The following L3MBTL4 variants were observed in gnomAD, a reference collection of about 807,000 sequenced individuals.
The protein encoded by L3MBTL4 is L3MBTL histone methyl-lysine binding protein 4, also known as lethal(3)malignant brain tumor-like protein 4.
L3MBTL4 carries 70 observed loss-of-function variants against 84.5 expected under a neutral mutation model. The observed-to-expected ratio is 0.83, with a 90% confidence interval of 0.68 to 1.01. The LOEUF (loss-of-function observed/expected upper bound fraction) is 1.01, where lower values mean the gene tolerates loss of function less well. Ranked by LOEUF, L3MBTL4 falls within the 50% of genes least tolerant of loss-of-function variation. L3MBTL4 has a pLI of 0.00. For missense variants in L3MBTL4, 715 were observed against 754.8 expected (o/e 0.95, Z 0.62); for synonymous variants, 274 against 259.8 (o/e 1.05, Z -0.52).
intron 14 of L3MBTL4, among the ~76,000 whole-genome samples, chr18:6,111,164 G>A (rs1318600801): frequency 6.6e-6 from 1 of 152,150 alleles, no homozygotes. Flanking sequence ...AAAGAGAAAT[G>A]AGATAAATAG....
At chr18:6,283,957 CAA>C (rs2049438652) in intron 4 of L3MBTL4, among the ~76,000 whole-genome samples, 1 of 152,208 alleles carries the variant, frequency 6.6e-6, no homozygotes. Context: ...TTCTAAAAGA[CAA>C]AACCACAGCT....
At chr18:6,094,786 C>T (rs948352872) in intron 14 of L3MBTL4, among the ~76,000 whole-genome samples, 4 of 152,000 alleles carry the variant, frequency 2.6e-5, no homozygotes, top group Non-Finnish European at 4.4e-5. Flanking sequence ...TGCATTCTAA[C>T]CCCAAAAGGA....
intron 16 of L3MBTL4, among the ~76,000 whole-genome samples, chr18:6,076,159 C>T (rs2057849768): frequency 6.6e-6 from 1 of 152,194 alleles, no homozygotes; most frequent in Middle Eastern, 3.2e-3. Context: ...TACAAAAATG[C>T]ATACACATAT....
chr18:6,276,998 A>C (rs1373254063), intron 4 of L3MBTL4, among the ~76,000 whole-genome samples: 1 of 152,078 alleles, frequency 6.6e-6, no homozygotes, highest in African/African-American at 2.4e-5. Flanking sequence ...ATAAAAAATG[A>C]TTTTTACATG....
Position 6,343,228 on chromosome 18 carries a change from T to G in L3MBTL4, c.-90-31172A>C, listed in dbSNP as rs568135230. The stretch of plus-strand genomic sequence containing the variant: ...AGGGAACAACGAAATTCAGCAACAC[T>G]ATAAACCAAATGGACCTAACAGATA... On this transcript the variant is annotated intron_variant, in intron 1 of 18. Transcript: ENST00000317931. Among the ~76,000 whole-genome samples the G allele has an allele frequency of 7.2e-5, 11 of 152,228 alleles. No homozygotes were observed. In the South Asian group the frequency reaches 2.1e-3, roughly 29 times the overall value.
At chr18:6,295,678 T>C (rs1249210544) in intron 4 of L3MBTL4, among the ~76,000 whole-genome samples, 1 of 152,114 alleles carries the variant, frequency 6.6e-6, no homozygotes, top group Non-Finnish European at 1.5e-5. Flanking sequence ...GCTTCAATTA[T>C]TGAAGTGCCC....
intron 17 of L3MBTL4, among the ~76,000 whole-genome samples, chr18:5,968,139 C>G (rs1333613803): frequency 6.6e-6 from 1 of 152,212 alleles, no homozygotes; most frequent in East Asian, 1.9e-4. Context: ...GGACTTAAAC[C>G]AAGATTAAGC....
intron 15 of L3MBTL4, among the ~76,000 whole-genome samples, chr18:6,082,129 A>C (rs2058098750): frequency 6.6e-6 from 1 of 152,108 alleles, no homozygotes; most frequent in South Asian, 2.1e-4. Context: ...CAATCTGTTA[A>C]ATGGACACAG....
chr18:6,343,301 A>G (rs2052702267), intron 1 of L3MBTL4, among the ~76,000 whole-genome samples: 1 of 152,242 alleles, frequency 6.6e-6, no homozygotes, highest in Non-Finnish European at 1.5e-5. Flanking sequence ...ATTCTTTTCA[A>G]GCATACACAT....
chr18:6,284,861 C>A (rs2049492811), intron 4 of L3MBTL4, among the ~76,000 whole-genome samples: 1 of 152,228 alleles, frequency 6.6e-6, no homozygotes. Context: ...GGCATCTGCA[C>A]AGGGGCCGCC....
At chr18:6,121,004 T>TG (rs1454513028) in intron 14 of L3MBTL4, among the ~76,000 whole-genome samples, 1 of 152,170 alleles carries the variant, frequency 6.6e-6, no homozygotes, top group East Asian at 1.9e-4. Flanking sequence ...CCATATTTCT[T>TG]GAAGTTATTT....
intron 1 of L3MBTL4, among the ~76,000 whole-genome samples, chr18:6,314,619 A>G (rs1599599844): frequency 6.6e-6 from 1 of 152,202 alleles, no homozygotes; most frequent in Non-Finnish European, 1.5e-5. Context: ...TAATTTTTCA[A>G]TTTAATCCTC....
intron 4 of L3MBTL4, among the ~76,000 whole-genome samples, chr18:6,290,328 T>C (rs2049801333): frequency 6.6e-6 from 1 of 151,974 alleles, no homozygotes; most frequent in African/African-American, 2.4e-5. Flanking sequence ...GAGTGTATAG[T>C]TTATCAATAT....
At chr18:6,101,898 C>T (rs142513835) in intron 14 of L3MBTL4, among the ~76,000 whole-genome samples, 162 of 152,192 alleles carry the variant, frequency 1.1e-3, no homozygotes, top group African/African-American at 3.8e-3. Context: ...AGACCGAAGT[C>T]GAAATTCTTT....
intron 16 of L3MBTL4, among the ~76,000 whole-genome samples, chr18:5,989,409 A>C (rs2053593910): frequency 6.6e-6 from 1 of 152,022 alleles, no homozygotes; most frequent in Admixed American, 6.5e-5. Flanking sequence ...TATTTTTTAA[A>C]CCATATAGAT....
chr18:6,314,722 C>G (rs907113236), intron 1 of L3MBTL4, among the ~76,000 whole-genome samples: 1 of 152,180 alleles, frequency 6.6e-6, no homozygotes, highest in East Asian at 1.9e-4. Flanking sequence ...TAGAAAGCAT[C>G]TGAATACTTC....
At chr18:6,251,892 A>G (rs1310629059) in intron 5 of L3MBTL4, among the ~76,000 whole-genome samples, 1 of 152,260 alleles carries the variant, frequency 6.6e-6, no homozygotes, top group African/African-American at 2.4e-5. Context: ...AGATGGCATC[A>G]GAACACACGA....
At chr18:6,165,354 A>G (rs1037305365) in intron 13 of L3MBTL4, among the ~76,000 whole-genome samples, 11 of 152,208 alleles carry the variant, frequency 7.2e-5, no homozygotes, top group Non-Finnish European at 1.3e-4. Context: ...CTCCTCGAGA[A>G]GAGCAATTCC....
chr18:6,257,940 C>T (rs1033048303), intron 5 of L3MBTL4, among the ~76,000 whole-genome samples: 6 of 152,108 alleles, frequency 3.9e-5, no homozygotes, highest in Non-Finnish European at 5.9e-5. Flanking sequence ...GCCACATCGC[C>T]GGGCTCTAAA....
Sources: allele counts gnomAD v4.1 joint callset (sites outside exome capture counted in the v4.1 genomes callset), GRCh38; gene constraint gnomAD v4.1.1; transcripts MANE v1.5; gene names NCBI Gene and HGNC (gene_info 2026-07-23, HGNC 2026-07-21).